The following TMEM177 variants were observed in gnomAD, a reference collection of about 807,000 sequenced individuals.
TMEM177 encodes transmembrane protein 177.
A neutral mutation model predicts 14.2 loss-of-function variants in TMEM177; 4 were observed. The ratio of observed to expected loss-of-function variants is 0.28; its 90% CI spans 0.14 to 0.64. The LOEUF is 0.64. TMEM177 is among the 30% of genes least tolerant of loss of function. The pLI is 0.82. For synonymous variants in TMEM177, 179 were observed against 174.5 expected (o/e 1.03, Z -0.20); for missense variants, 344 against 405.2 (o/e 0.85, Z 1.30).
Position 119,680,949 on chromosome 2 carries a change from C to T in TMEM177, c.96C>T (p.Ile32=). The change falls in exon 2 of 2, where the codon ATC becomes ATT. Residue 32 remains isoleucine, a synonymous_variant. Coordinates refer to ENST00000272521, the MANE Select transcript of TMEM177 (RefSeq NM_030577.3). ...GSCAGLFGVP[I]SYHLFPDPVV... ...GTGCAGGCCTGTTTGGAGTTCCAAT[C>T]TCGTACCACCTCTTCCCGGATCCCG... is the stretch of plus-strand genomic sequence containing the variant. 8.1e-6 allele frequency: 13 copies of T among 1,614,210 alleles called. No homozygotes were observed. The highest frequency in any genetic ancestry group is 1.1e-5 in the Non-Finnish European group (13 of 1,180,032).
chr2:119,681,192 C>T lies in TMEM177; in HGVS notation c.339C>T (p.Asp113=), dbSNP rs1485861995. ...VVGIPASFLG[D]LVINTNHPVV... ...GCATCCCTGCCAGTTTCTTGGGAGA[C>T]CTAGTGATCAACACTAACCATCCCG... The change falls in exon 2 of 2, where the codon GAC becomes GAT. Residue 113 remains aspartate, a synonymous_variant. Coordinates refer to ENST00000272521, the MANE Select transcript of TMEM177 (RefSeq NM_030577.3). The T allele has an allele frequency of 6.2e-7, 1 of 1,614,148 alleles. No homozygotes were observed. The highest frequency in any genetic ancestry group is 8.5e-7 in the Non-Finnish European group (1 of 1,180,060).
chr2:119,702,373 T>TTGGCTGC, the TMEM177 span, among the ~76,000 whole-genome samples: 495 of 152,316 alleles, frequency 3.2e-3, 2 homozygotes, highest in African/African-American at 0.011. Context: ...TGGGGACTCC[T>TTGGCTGC]TGGCTGCTGG....
At chr2:119,720,474 T>C in the TMEM177 span, among the ~76,000 whole-genome samples, 1 of 152,048 alleles carries the variant, frequency 6.6e-6, no homozygotes, top group Non-Finnish European at 1.5e-5. Flanking sequence ...TTCTCCATGT[T>C]GGTCAGGCTG....
the TMEM177 span, among the ~76,000 whole-genome samples, chr2:119,703,021 G>A: frequency 6.6e-6 from 1 of 152,224 alleles, no homozygotes. Flanking sequence ...TGGCCAGCAG[G>A]GGGAGCAAGC....
the TMEM177 span, among the ~76,000 whole-genome samples, chr2:119,693,440 G>A: frequency 3.2e-3 from 493 of 152,320 alleles, 3 homozygotes; most frequent in African/African-American, 0.011. Flanking sequence ...AGAGGAAGAT[G>A]CGGAGTGAAG....
At chr2:119,716,608 G>C in the TMEM177 span, among the ~76,000 whole-genome samples, 2 of 152,206 alleles carry the variant, frequency 1.3e-5, no homozygotes, top group Admixed American at 1.3e-4. Flanking sequence ...AGCTCCACAT[G>C]CTCCTTCAAA....
chr2:119,708,284 A>G, the TMEM177 span, among the ~76,000 whole-genome samples: 1 of 152,174 alleles, frequency 6.6e-6, no homozygotes, highest in Admixed American at 6.5e-5. Context: ...CCATTCTGCC[A>G]CATTTGTTTC....
chr2:119,688,176 A>G (rs1408724401), downstream of TMEM177, among the ~76,000 whole-genome samples: 1 of 152,222 alleles, frequency 6.6e-6, no homozygotes, highest in African/African-American at 2.4e-5. Context: ...AGTTATAAAT[A>G]TCAAATCTTT....
the TMEM177 span, among the ~76,000 whole-genome samples, chr2:119,709,906 G>A: frequency 6.6e-6 from 1 of 152,268 alleles, no homozygotes; most frequent in Admixed American, 6.5e-5. Context: ...AGGGAAAGAA[G>A]ACCCAAAAGA....
the TMEM177 span, among the ~76,000 whole-genome samples, chr2:119,712,272 C>T: frequency 6.6e-6 from 1 of 152,006 alleles, no homozygotes; most frequent in Non-Finnish European, 1.5e-5. Flanking sequence ...CTCTGCGGTG[C>T]CCAACAGCAG....
At chr2:119,686,334 G>A (rs1689014653), downstream of TMEM177, 1 of 152,358 alleles carries the variant, frequency 6.6e-6, no homozygotes, top group South Asian at 2.1e-4. Flanking sequence ...AGGTCTTGGA[G>A]TTGCTGCCCA....
At chr2:119,696,941 C>G in the TMEM177 span, among the ~76,000 whole-genome samples, 1 of 152,200 alleles carries the variant, frequency 6.6e-6, no homozygotes, top group Non-Finnish European at 1.5e-5. Context: ...AGCTTTTGTT[C>G]TAGCTTCACT....
At chr2:119,702,323 A>G in the TMEM177 span, among the ~76,000 whole-genome samples, 1 of 152,364 alleles carries the variant, frequency 6.6e-6, no homozygotes, top group South Asian at 2.1e-4. Flanking sequence ...CCAATGTAAC[A>G]AGTGAAGGGG....
At chr2:119,710,607 C>A in the TMEM177 span, among the ~76,000 whole-genome samples, 1 of 144,312 alleles carries the variant, frequency 6.9e-6, no homozygotes, top group Admixed American at 6.9e-5. Context: ...CACCTGCCAT[C>A]TTTTTTTTTT....
chr2:119,706,013 A>ATATATTATATATTATATAT, the TMEM177 span, among the ~76,000 whole-genome samples: 12 of 130,090 alleles, frequency 9.2e-5, no homozygotes, highest in East Asian at 1.7e-3. Flanking sequence ...ATTATATATT[A>ATATATTATATATTATATAT]TATATATTTA....
the TMEM177 span, among the ~76,000 whole-genome samples, chr2:119,696,068 G>A: frequency 3.3e-5 from 5 of 152,198 alleles, no homozygotes; most frequent in African/African-American, 9.7e-5. Flanking sequence ...AGGGAGAGGC[G>A]CAAGGGGCTG....
chr2:119,699,291 G>C, the TMEM177 span, among the ~76,000 whole-genome samples: 7 of 152,248 alleles, frequency 4.6e-5, no homozygotes, highest in East Asian at 1.4e-3. Context: ...CCAAGTGAAG[G>C]GGGAAGAGCC....
At chr2:119,689,926 G>C (rs1386025273), downstream of TMEM177, among the ~76,000 whole-genome samples, 3 of 152,198 alleles carry the variant, frequency 2.0e-5, no homozygotes, top group Non-Finnish European at 4.4e-5. Context: ...GAGCCACCTG[G>C]ACTCAGAGCC....
At chr2:119,705,772 A>G in the TMEM177 span, among the ~76,000 whole-genome samples, 1 of 151,702 alleles carries the variant, frequency 6.6e-6, no homozygotes, top group East Asian at 1.9e-4. Flanking sequence ...ACACTCAAGA[A>G]TAGACGGTGG....
Sources: allele counts gnomAD v4.1 joint callset (sites outside exome capture counted in the v4.1 genomes callset), GRCh38; gene constraint gnomAD v4.1.1; transcripts MANE v1.5; gene names NCBI Gene and HGNC (gene_info 2026-07-23, HGNC 2026-07-21).